NEGR1: variants seen among roughly 807,000 people sequenced by gnomAD.
NEGR1 encodes IgLON family member 4.
NEGR1 carries 10 observed loss-of-function variants against 40.9 expected under a neutral mutation model. That is an observed-to-expected ratio of 0.24 (90% CI 0.15 to 0.42). The LOEUF (loss-of-function observed/expected upper bound fraction) is 0.42. NEGR1 is among the 10% of genes least tolerant of loss of function. The probability of loss-of-function intolerance (pLI) is 1.00; values close to 1 mark genes in which losing one functional copy is unlikely to be tolerated. For synonymous variants in NEGR1, 185 were observed against 166.8 expected (o/e 1.11, Z -0.84); for missense variants, 352 against 438.9 (o/e 0.80, Z 1.77).
chr1:71,995,921 G>C (rs1312065179), intron 1 of NEGR1, among the ~76,000 whole-genome samples: 1 of 151,974 alleles, frequency 6.6e-6, no homozygotes, highest in Non-Finnish European at 1.5e-5. Context: ...AGCTAGTTTT[G>C]TTAATTTTTT....
Position 71,586,968 on chromosome 1 carries a change from G to A in NEGR1, c.940+5849C>T, listed in dbSNP as rs1418307915. 3.3e-5 allele frequency among the ~76,000 whole-genome samples: 5 copies of A among 152,162 alleles called. No homozygotes were observed. The East Asian group carries it at 9.7e-4, about 29-fold the overall frequency. On this transcript the variant is annotated intron_variant, in intron 6 of 6. Coordinates refer to ENST00000357731, the MANE Select transcript of NEGR1 (RefSeq NM_173808.3). ...GCCTTCTCATTAACATCTCAAAGCT[G>A]CGAGGATAAAGCAGGTTGTCTCACA...
intron 4 of NEGR1, among the ~76,000 whole-genome samples, chr1:71,620,342 A>G (rs911949436): frequency 1.3e-5 from 2 of 152,050 alleles, no homozygotes; most frequent in Non-Finnish European, 2.9e-5. Context: ...TAGGATTTAC[A>G]TACTACATTA....
At chr1:71,494,164 A>G (rs1646947091) in intron 6 of NEGR1, among the ~76,000 whole-genome samples, 1 of 152,130 alleles carries the variant, frequency 6.6e-6, no homozygotes, top group South Asian at 2.1e-4. Context: ...AGTGTGTTTG[A>G]CTACTAGACC....
chr1:71,493,645 C>T (rs1479080689), intron 6 of NEGR1, among the ~76,000 whole-genome samples: 1 of 152,152 alleles, frequency 6.6e-6, no homozygotes, highest in Non-Finnish European at 1.5e-5. Flanking sequence ...TGGTATTTTA[C>T]ACTTTTTAGC....
chr1:71,998,932 A>G (rs1254478258), intron 1 of NEGR1, among the ~76,000 whole-genome samples: 1 of 151,904 alleles, frequency 6.6e-6, no homozygotes, highest in East Asian at 1.9e-4. Context: ...ATTTAGGTAC[A>G]TAACATTCTC....
chr1:71,930,767 C>T (rs1055144356), intron 2 of NEGR1, among the ~76,000 whole-genome samples: 3 of 152,108 alleles, frequency 2.0e-5, no homozygotes, highest in African/African-American at 7.2e-5. Context: ...TGTGATCAGC[C>T]GCTGGGGACG....
At chr1:71,931,744 T>TG (rs1344279747) in intron 2 of NEGR1, among the ~76,000 whole-genome samples, 3 of 152,118 alleles carry the variant, frequency 2.0e-5, no homozygotes, top group African/African-American at 7.2e-5. Flanking sequence ...ACATGAACTT[T>TG]GGGGGACACA....
At chr1:72,247,997 G>GA (rs1453987999) in intron 1 of NEGR1, among the ~76,000 whole-genome samples, 1 of 151,992 alleles carries the variant, frequency 6.6e-6, no homozygotes, top group East Asian at 2.0e-4. Context: ...AAGCAGGAGC[G>GA]AGAGTGTGCG....
intron 2 of NEGR1, among the ~76,000 whole-genome samples, chr1:71,913,826 T>C (rs1020799210): frequency 7.0e-6 from 1 of 143,736 alleles, no homozygotes; most frequent in African/African-American, 2.6e-5. Flanking sequence ...CAAACTCTAG[T>C]AACACAAAGT....
At chr1:71,576,845 A>G (rs1570054520) in intron 6 of NEGR1, among the ~76,000 whole-genome samples, 2 of 152,284 alleles carry the variant, frequency 1.3e-5, no homozygotes. Context: ...TATAGATTTG[A>G]TGCTTTGAAC....
At chr1:71,820,773 C>T (rs776498443) in intron 2 of NEGR1, among the ~76,000 whole-genome samples, 5 of 151,876 alleles carry the variant, frequency 3.3e-5, no homozygotes, top group Non-Finnish European at 5.9e-5. Flanking sequence ...ACAAAGATAG[C>T]GAATCAAAAT....
At chr1:71,540,770 A>G (rs1647662977) in intron 6 of NEGR1, among the ~76,000 whole-genome samples, 1 of 151,750 alleles carries the variant, frequency 6.6e-6, no homozygotes, top group Non-Finnish European at 1.5e-5. Context: ...GAGACTGGGT[A>G]ATTTATAAAG....
chr1:71,900,309 T>TAGGA (rs1464865211), intron 2 of NEGR1, among the ~76,000 whole-genome samples: 3 of 152,188 alleles, frequency 2.0e-5, no homozygotes, highest in African/African-American at 7.2e-5. Context: ...TTAGTCTCTG[T>TAGGA]TTAGTATTTG....
chr1:71,399,402 AT>A lies in NEGR1; in HGVS notation c.*8043del, dbSNP rs959388099. 1.3e-5 allele frequency: 2 copies of A among 152,128 alleles called. No individual in the cohort carries two copies. The highest frequency in any genetic ancestry group is 2.9e-5 in the Non-Finnish European group (2 of 68,006). 9.4% of individuals were successfully genotyped at this position (152,128 alleles called of 1,614,324 possible). On this transcript the variant is annotated 3_prime_UTR_variant, in exon 7 of 7. Transcript: ENST00000357731. ...ATTACAAGAAATTAATTTATTCCAA[AT>A]TTTTTTAAAAATCTGCTTTTCTCCA...
intron 3 of NEGR1, among the ~76,000 whole-genome samples, chr1:71,722,965 T>C (rs1320495064): frequency 6.6e-6 from 1 of 152,094 alleles, no homozygotes; most frequent in East Asian, 1.9e-4. Context: ...CCCACATTAG[T>C]TTGTTTTTCC....
chr1:71,863,387 G>T (rs903414867), intron 2 of NEGR1, among the ~76,000 whole-genome samples: 1 of 152,110 alleles, frequency 6.6e-6, no homozygotes, highest in Non-Finnish European at 1.5e-5. Flanking sequence ...ATAAGTGGGA[G>T]ATGACTGATG....
At chr1:71,902,318 A>G (rs1003326863) in intron 2 of NEGR1, among the ~76,000 whole-genome samples, 1 of 152,242 alleles carries the variant, frequency 6.6e-6, no homozygotes, top group African/African-American at 2.4e-5. Context: ...CTTGTTTAAT[A>G]CAAGGGCATT....
At chr1:71,689,242 G>A (rs1287170721) in intron 4 of NEGR1, among the ~76,000 whole-genome samples, 1 of 152,176 alleles carries the variant, frequency 6.6e-6, no homozygotes, top group Non-Finnish European at 1.5e-5. Context: ...TCATTTGACT[G>A]AAGCCAAACA....
At chr1:71,717,297 T>C (rs1410513130) in intron 3 of NEGR1, among the ~76,000 whole-genome samples, 1 of 152,248 alleles carries the variant, frequency 6.6e-6, no homozygotes, top group Non-Finnish European at 1.5e-5. Flanking sequence ...ACTGTTTACA[T>C]GTCCTCTATG....
Sources: allele counts gnomAD v4.1 joint callset (sites outside exome capture counted in the v4.1 genomes callset), GRCh38; gene constraint gnomAD v4.1.1; transcripts MANE v1.5; gene names NCBI Gene and HGNC (gene_info 2026-07-23, HGNC 2026-07-21).